The following PTPRN2 variants were observed in gnomAD, a reference collection of about 807,000 sequenced individuals.
PTPRN2 encodes protein tyrosine phosphatase receptor type N2, also known as receptor-type tyrosine-protein phosphatase N2.
In PTPRN2, 74 loss-of-function variants were observed where a neutral mutation model predicts 118.8. That is an observed-to-expected ratio of 0.62 (90% CI 0.52 to 0.76). PTPRN2 has a LOEUF of 0.76. PTPRN2 is among the 30% of genes least tolerant of loss of function. PTPRN2 has a pLI of 0.00. For missense variants in PTPRN2, 1,481 were observed against 1,394.4 expected (o/e 1.06, Z -0.99); for synonymous variants, 641 against 608.0 (o/e 1.05, Z -0.80).
intron 11 of PTPRN2, among the ~76,000 whole-genome samples, chr7:158,071,296 TCGTGGTGGAGGTGCC>T (rs1563390349): frequency 1.7e-4 from 17 of 98,150 alleles, no homozygotes; most frequent in Admixed American, 2.9e-4. Context: ...GTGGAGGTGC[TCGTGGTGGAGGTGCC>T]CATGGTAGTG....
chr7:157,617,663 C>A lies in PTPRN2; in HGVS notation c.2344+3699G>T, dbSNP rs1165175933. On this transcript the variant is annotated intron_variant, in intron 15 of 22. Transcript: ENST00000389418. This position sits in a 1 kb window ranked among gnomAD's most constrained non-coding sequence, Gnocchi z 7.5. ...CAGCTGGGCCTCTGCCTCACTGGACCACGCTGCAAGGCAAGGGCCTGGGAG... is the reference window on the plus strand; with the variant it reads ...CAGCTGGGCCTCTGCCTCACTGGACAACGCTGCAAGGCAAGGGCCTGGGAG... 6.6e-6 allele frequency: 1 copy of A among 152,310 alleles called. No individual in the cohort carries two copies. The highest frequency in any genetic ancestry group is 1.5e-5 in the Non-Finnish European group (1 of 68,078). 9.4% of individuals were successfully genotyped at this position (152,310 alleles called of 1,614,324 possible).
At chr7:157,716,747 T>G (rs1357696412) in intron 12 of PTPRN2, among the ~76,000 whole-genome samples, 1 of 57,644 alleles carries the variant, frequency 1.7e-5, no homozygotes, top group Non-Finnish European at 3.2e-5. Context: ...GCGGGAACAC[T>G]GCCTGGTCAC....
At chr7:157,736,142 C>T (rs1000427774) in intron 12 of PTPRN2, among the ~76,000 whole-genome samples, 1 of 152,336 alleles carries the variant, frequency 6.6e-6, no homozygotes, top group African/African-American at 2.4e-5. Flanking sequence ...GCTGGGGATA[C>T]ATCACCCGAT....
chr7:158,033,923 G>A (rs1223735381), intron 11 of PTPRN2, among the ~76,000 whole-genome samples: 1 of 150,918 alleles, frequency 6.6e-6, no homozygotes, highest in Non-Finnish European at 1.5e-5. Flanking sequence ...CTGAGGCCCA[G>A]GTGAGCATCC....
At chr7:157,867,923 A>G (rs866557658) in intron 12 of PTPRN2, among the ~76,000 whole-genome samples, 2 of 152,146 alleles carry the variant, frequency 1.3e-5, no homozygotes, top group Non-Finnish European at 2.9e-5. Flanking sequence ...GCATGCCCCC[A>G]GAGTCCACAA....
Position 157,874,393 on chromosome 7 carries a change from C to T in PTPRN2, c.1788+24280G>A, listed in dbSNP as rs1226824926. ...GACCTGACCCAGCTCCTGCTTTCTG[C>T]CCCCTCCTGTCCCCTCTCTCCTGCC... is the stretch of plus-strand genomic sequence containing the variant. On this transcript the variant is annotated intron_variant, in intron 12 of 22. Transcript: ENST00000389418. The surrounding 1 kb of genome is among the most constrained non-coding windows in gnomAD (Gnocchi z 5.8). 6.6e-6 allele frequency among the ~76,000 whole-genome samples: 1 copy of T among 152,318 alleles called. No homozygotes were observed. Among genetic ancestry groups the T allele is most frequent in the Admixed American group, 6.5e-5 (1 of 15,302 alleles).
chr7:158,504,255 G>GT (rs1433241442), intron 1 of PTPRN2, among the ~76,000 whole-genome samples: 2 of 152,002 alleles, frequency 1.3e-5, no homozygotes, highest in African/African-American at 4.8e-5. Context: ...TGTCACATAG[G>GT]TAAGTGTGTG....
rs1202926562 is a variant in PTPRN2 at position 158,469,468 on chromosome 7, C to T, written c.163+20267G>A. Reference sequence around the variant, plus strand: ...TGTCTCAACAACAACAACAACAACACTAGTCCACAATGAACACACCAAAAA... The same window carrying T: ...TGTCTCAACAACAACAACAACAACATTAGTCCACAATGAACACACCAAAAA... On this transcript the variant is annotated intron_variant, in intron 2 of 22. Transcript: ENST00000389418. Among the ~76,000 whole-genome samples, 4 of 152,298 alleles carry T rather than the reference C, an allele frequency of 2.6e-5. No homozygotes were observed. The East Asian group carries it at 7.7e-4, about 29-fold the overall frequency.
intron 2 of PTPRN2, among the ~76,000 whole-genome samples, chr7:158,395,334 GAGGCGCGAGGGGCCAGGGGCC>G (rs1812298771): frequency 3.3e-5 from 3 of 92,234 alleles, no homozygotes; most frequent in African/African-American, 4.5e-5. Context: ...GGCGAGGGGC[GAGGCGCGAGGGGCCAGGGGCC>G]AGGGGCGAGG....
At chr7:157,546,125 G>C (rs891840415) in intron 22 of PTPRN2, among the ~76,000 whole-genome samples, 12 of 152,172 alleles carry the variant, frequency 7.9e-5, no homozygotes, top group African/African-American at 2.9e-4. Flanking sequence ...CCCTGAGGAA[G>C]AGGGTGAACT....
At chr7:157,748,632 CTGATGCCTG>C (rs1358913215) in intron 12 of PTPRN2, among the ~76,000 whole-genome samples, 17 of 148,080 alleles carry the variant, frequency 1.1e-4, no homozygotes, top group East Asian at 4.1e-4. Flanking sequence ...TGACGTGATT[CTGATGCCTG>C]CGTCCCTGAG....
chr7:158,374,130 A>C (rs528197069), intron 2 of PTPRN2, among the ~76,000 whole-genome samples: 3 of 152,124 alleles, frequency 2.0e-5, no homozygotes, highest in Non-Finnish European at 4.4e-5. Context: ...GGGCAAGTGC[A>C]CTTACCATCC....
At chr7:158,314,066 C>T (rs184727112) in intron 3 of PTPRN2, among the ~76,000 whole-genome samples, 16 of 152,262 alleles carry the variant, frequency 1.1e-4, no homozygotes, top group Admixed American at 6.5e-4. Context: ...AGGTGAACTC[C>T]GGCACCCTGC....
chr7:158,317,229 C>T (rs1326856472), intron 2 of PTPRN2, among the ~76,000 whole-genome samples: 1 of 152,256 alleles, frequency 6.6e-6, no homozygotes, highest in Non-Finnish European at 1.5e-5. Context: ...TGTAATTTCA[C>T]ATTTTTTATG....
chr7:158,135,652 A>T (rs1023636980), intron 8 of PTPRN2, among the ~76,000 whole-genome samples: 2 of 152,078 alleles, frequency 1.3e-5, no homozygotes, highest in African/African-American at 4.8e-5. Context: ...CTCAGGTGGG[A>T]GGGCTGGGTC....
chr7:157,756,805 A>C (rs1052134994), intron 12 of PTPRN2, among the ~76,000 whole-genome samples: 79 of 152,232 alleles, frequency 5.2e-4, no homozygotes, highest in African/African-American at 1.8e-3. Flanking sequence ...AAAAAAAAAA[A>C]AACCCTGTTC....
intron 11 of PTPRN2, among the ~76,000 whole-genome samples, chr7:158,072,158 A>AC (rs71189762): frequency 0.39 from 59,473 of 150,786 alleles, 12,560 homozygotes; most frequent in African/African-American, 0.55. Flanking sequence ...ATTCAGTTGA[A>AC]CCTTTTGGTT....
At chr7:158,399,652 T>C (rs1409048604) in intron 2 of PTPRN2, among the ~76,000 whole-genome samples, 4 of 151,356 alleles carry the variant, frequency 2.6e-5, no homozygotes, top group Non-Finnish European at 5.9e-5. Flanking sequence ...CAAGATCCTG[T>C]CTCAAGAAAA....
intron 2 of PTPRN2, among the ~76,000 whole-genome samples, chr7:158,396,694 TTG>T (rs1381682248): frequency 2.0e-5 from 3 of 152,100 alleles, no homozygotes; most frequent in Non-Finnish European, 4.4e-5. Context: ...GTGTGCATGT[TTG>T]TGTGTGCACA....
Sources: gnomAD v4.1 joint callset for allele counts (sites outside exome capture counted in the v4.1 genomes callset) on GRCh38, gnomAD v4.1.1 for gene constraint, Gnocchi (gnomAD v3.1) non-coding constraint, MANE v1.5 for transcripts, NCBI Gene and HGNC (gene_info 2026-07-23, HGNC 2026-07-21) for gene names.